The following RBMS3 variants were observed in gnomAD, a reference collection of about 807,000 sequenced individuals.
RBMS3 encodes the protein RNA-binding motif, single-stranded-interacting protein 3.
A neutral mutation model predicts 66.8 loss-of-function variants in RBMS3; 27 were observed. That is an observed-to-expected ratio of 0.40 (90% CI 0.30 to 0.56). The LOEUF is 0.56. Ranked by LOEUF, RBMS3 falls within the 20% of genes least tolerant of loss-of-function variation. The pLI is 0.40. For missense variants in RBMS3, 513 were observed against 549.5 expected (o/e 0.93, Z 0.66); for synonymous variants, 188 against 183.0 (o/e 1.03, Z -0.22).
intron 1 of RBMS3, among the ~76,000 whole-genome samples, chr3:29,364,930 G>A (rs1477341934): frequency 7.2e-5 from 11 of 152,062 alleles, no homozygotes; most frequent in Admixed American, 7.2e-4. Context: ...AATAATTTGT[G>A]GAGTTTGGTT....
chr3:29,658,989 T>C (rs2050426025), intron 4 of RBMS3, among the ~76,000 whole-genome samples: 1 of 152,090 alleles, frequency 6.6e-6, no homozygotes, highest in Admixed American at 6.5e-5. Flanking sequence ...CACTAACTTT[T>C]TGTATTTTTA....
At chr3:29,663,794 G>A (rs2050649549) in intron 4 of RBMS3, among the ~76,000 whole-genome samples, 1 of 152,074 alleles carries the variant, frequency 6.6e-6, no homozygotes, top group South Asian at 2.1e-4. Flanking sequence ...GAATATCATG[G>A]TTTTGGCTAA....
chr3:29,357,102 G>A (rs1369670877), intron 1 of RBMS3, among the ~76,000 whole-genome samples: 1 of 151,930 alleles, frequency 6.6e-6, no homozygotes, highest in Non-Finnish European at 1.5e-5. Flanking sequence ...ACAACGTGCA[G>A]GTTTGTTACA....
chr3:29,993,378 A>G (rs921853508), intron 14 of RBMS3, among the ~76,000 whole-genome samples: 1 of 152,184 alleles, frequency 6.6e-6, no homozygotes, highest in Non-Finnish European at 1.5e-5. Flanking sequence ...GCATAGCAAG[A>G]GACATTGATT....
chr3:29,770,482 T>A (rs9857162), intron 6 of RBMS3, among the ~76,000 whole-genome samples: 1,711 of 152,046 alleles, frequency 0.011, 28 homozygotes, highest in African/African-American at 0.04. Context: ...GAGTTTCCAT[T>A]TGGTTCCAGA....
intron 1 of RBMS3, among the ~76,000 whole-genome samples, chr3:29,291,987 A>G (rs772162322): frequency 7.9e-5 from 12 of 151,784 alleles, no homozygotes; most frequent in Non-Finnish European, 1.0e-4. Flanking sequence ...AATCTTATTC[A>G]GGAAATAATT....
At chr3:29,587,083 AT>A (rs763055702) in intron 3 of RBMS3, 30 bp from the exon 4 acceptor site, 1 of 1,548,956 alleles carries the variant, frequency 6.5e-7, no homozygotes, top group East Asian at 2.3e-5. Flanking sequence ...CTTTTTGTGA[AT>A]ATTAACAAGG....
chr3:29,681,668 T>C (rs1274213111), intron 4 of RBMS3, among the ~76,000 whole-genome samples: 1 of 152,198 alleles, frequency 6.6e-6, no homozygotes, highest in African/African-American at 2.4e-5. Flanking sequence ...TCCATGTCCC[T>C]GCAAAGGACA....
At chr3:29,547,496 A>G (rs2046005031) in intron 3 of RBMS3, among the ~76,000 whole-genome samples, 1 of 151,392 alleles carries the variant, frequency 6.6e-6, no homozygotes, top group African/African-American at 2.4e-5. Context: ...CCGCCCCACC[A>G]TTATTATAAG....
chr3:29,363,145 T>C (rs1214172533), intron 1 of RBMS3, among the ~76,000 whole-genome samples: 1 of 152,174 alleles, frequency 6.6e-6, no homozygotes, highest in African/African-American at 2.4e-5. Context: ...CTCCATGCTT[T>C]GGCCTAAATC....
intron 6 of RBMS3, among the ~76,000 whole-genome samples, chr3:29,858,819 T>C (rs1295808104): frequency 3.3e-5 from 5 of 152,240 alleles, no homozygotes; most frequent in East Asian, 1.9e-4. Flanking sequence ...TTTTAAATGA[T>C]GGTGTTTTAA....
rs138742182 is a variant in RBMS3, at chr3:29,849,305, G to A, written c.638-19553G>A. Among the ~76,000 whole-genome samples the A allele has an allele frequency of 6.7e-3, 1,014 of 151,862 alleles. 11 individuals carry two copies. The highest frequency in any genetic ancestry group is 0.024 in the African/African-American group (979 of 41,374). ...CCCAGGCGGGTGGATCATAAGGTCA[G>A]GAGTTCAAGACCAGCCTGGCCAAAA... On this transcript the variant is annotated intron_variant, in intron 6 of 14. Coordinates refer to ENST00000383767, the MANE Select transcript of RBMS3 (RefSeq NM_001003793.3).
chr3:29,701,608 G>C (rs1047920102), intron 4 of RBMS3, among the ~76,000 whole-genome samples: 1 of 152,088 alleles, frequency 6.6e-6, no homozygotes, highest in Non-Finnish European at 1.5e-5. Context: ...GGGGCTGCGC[G>C]CGTCGTTCAC....
At chr3:29,546,108 T>TG (rs2045937981) in intron 3 of RBMS3, among the ~76,000 whole-genome samples, 1 of 145,944 alleles carries the variant, frequency 6.9e-6, no homozygotes, top group Non-Finnish European at 1.5e-5. Flanking sequence ...TGAGACGGGT[T>TG]TGTGTGTGTG....
At chr3:29,639,928 A>G (rs2049631897) in intron 4 of RBMS3, among the ~76,000 whole-genome samples, 1 of 151,638 alleles carries the variant, frequency 6.6e-6, no homozygotes, top group Non-Finnish European at 1.5e-5. Flanking sequence ...GGGGAGATAT[A>G]AAAAAAAGAA....
intron 1 of RBMS3, among the ~76,000 whole-genome samples, chr3:29,405,912 G>T (rs935152041): frequency 9.2e-5 from 14 of 152,160 alleles, no homozygotes; most frequent in Non-Finnish European, 1.8e-4. Context: ...GGATTGGATA[G>T]ATTGAAACAG....
chr3:29,500,389 C>T (rs895413682), intron 3 of RBMS3, among the ~76,000 whole-genome samples: 1 of 148,808 alleles, frequency 6.7e-6, no homozygotes. Flanking sequence ...TGTTTTGAAC[C>T]AAATAAGAAT....
At chr3:29,328,610 A>G (rs908145559) in intron 1 of RBMS3, among the ~76,000 whole-genome samples, 2 of 152,116 alleles carry the variant, frequency 1.3e-5, no homozygotes, top group Admixed American at 1.3e-4. Flanking sequence ...TAGTCTTTTC[A>G]TGGCCTAGAA....
chr3:29,674,299 A>G (rs920637409), intron 4 of RBMS3, among the ~76,000 whole-genome samples: 8 of 152,220 alleles, frequency 5.3e-5, no homozygotes, highest in African/African-American at 1.4e-4. Context: ...CCAATATTAT[A>G]CTAAATGGGC....
Sources: allele counts gnomAD v4.1 joint callset (sites outside exome capture counted in the v4.1 genomes callset), GRCh38; gene constraint gnomAD v4.1.1; transcripts MANE v1.5; gene names NCBI Gene and HGNC (gene_info 2026-07-23, HGNC 2026-07-21).